Variants in DOCK7 observed in about 807,000 individuals in gnomAD.
DOCK7 encodes the protein dedicator of cytokinesis protein 7.
DOCK7 carries 138 observed loss-of-function variants against 271.0 expected under a neutral mutation model. That is an observed-to-expected ratio of 0.51 (90% CI 0.44 to 0.59). The LOEUF (loss-of-function observed/expected upper bound fraction) is 0.59. Among genes scored for constraint, DOCK7 ranks in the 20% least tolerant of loss-of-function variants. The pLI is 0.00. For synonymous variants in DOCK7, 823 were observed against 876.1 expected, an observed-to-expected ratio of 0.94 and a Z score of 1.07; for missense variants, 2,066 against 2,592.4, an observed-to-expected ratio of 0.80 and a Z score of 4.41.
chr1:62,626,853 C>CA (rs942917482), intron 11 of DOCK7, among the ~76,000 whole-genome samples: 1 of 151,872 alleles, frequency 6.6e-6, no homozygotes, highest in African/African-American at 2.4e-5. Context: ...AAAACCCTTC[C>CA]AAAAAAATGG....
At chr1:62,487,498 T>G in intron 42 of DOCK7, 86 bp from the exon 43 acceptor site, 1 of 1,201,844 alleles carries the variant, frequency 8.3e-7, no homozygotes, top group South Asian at 1.3e-5. Flanking sequence ...ATACCATAAA[T>G]TCTTCTCCAC....
chr1:62,687,757 TTC>T (rs1363334836), intron 1 of DOCK7: 1 of 152,198 alleles, frequency 6.6e-6, no homozygotes, highest in African/African-American at 2.4e-5. Flanking sequence ...CGCCGCGCGT[TTC>T]TCCTTTTGTT....
In DOCK7 at chr1:62,663,097, G is replaced by A. The variant is rs369563931; in HGVS notation, c.72C>T (p.Ser24=). 2.5e-5 allele frequency: 40 copies of A among 1,612,550 alleles called. No individual in the cohort carries two copies. The highest frequency in any genetic ancestry group is 2.7e-5 in the African/African-American group (2 of 74,672). Residue 24 remains serine, a synonymous_variant, in exon 2 of 50, where the codon TCC becomes TCT. Coordinates refer to ENST00000635253, the MANE Select transcript of DOCK7 (RefSeq NM_001367561.1). ...TVAAEVRKQI[S]GQYSGSPQLL... is the part of the protein sequence containing the mutation. The stretch of plus-strand genomic sequence containing the variant: ...GTTGGGGAGAACCACTATATTGTCC[G>A]GAGATCTGCTTCCTAACTTCGGCTG...
chr1:62,618,786 G>A lies in DOCK7; in HGVS notation c.1602C>T (p.Tyr534=), dbSNP rs756315485. Residue 534 remains tyrosine, a synonymous_variant, in exon 14 of 50, where the codon TAC becomes TAT. Coordinates refer to ENST00000635253, the MANE Select transcript of DOCK7 (RefSeq NM_001367561.1). ...LTPELLQVKL[Y]PDSRVRPTRE... is the part of the protein sequence containing the mutation. ...TGGTAGGTCTAACTCTACTGTCAGG[G>A]TAAAGCTTCACTTGAAGCAGCTCCG... is the stretch of plus-strand genomic sequence containing the variant. The A allele has an allele frequency of 1.2e-6, 2 of 1,613,590 alleles. No individual in the cohort carries two copies. The highest frequency in any genetic ancestry group is 2.2e-5 in the East Asian group (1 of 44,834).
At chr1:62,468,057 C>A (rs756395162) in intron 48 of DOCK7, among the ~76,000 whole-genome samples, 6 of 152,048 alleles carry the variant, frequency 3.9e-5, no homozygotes, top group African/African-American at 7.2e-5. Context: ...ATCCAGCACC[C>A]CTTGATGATT....
At chr1:62,605,313 A>G (rs1410826371) in intron 14 of DOCK7, 2 of 152,596 alleles carry the variant, frequency 1.3e-5, no homozygotes, top group African/African-American at 4.8e-5. Flanking sequence ...ATGTGTAAAA[A>G]TCTGTAATAC....
intron 48 of DOCK7, chr1:62,458,220 C>A: frequency 6.5e-6 from 1 of 153,730 alleles, no homozygotes; most frequent in Non-Finnish European, 1.4e-5. Flanking sequence ...GCACTCCAGC[C>A]TGGGCAACCG....
intron 1 of DOCK7, among the ~76,000 whole-genome samples, chr1:62,677,638 C>G (rs545261092): frequency 6.6e-6 from 1 of 151,482 alleles, no homozygotes; most frequent in East Asian, 1.9e-4. Flanking sequence ...TGATGCAACC[C>G]CAAAATAAAA....
chr1:62,489,986 T>TG (rs768423764), intron 41 of DOCK7, among the ~76,000 whole-genome samples: 14 of 151,708 alleles, frequency 9.2e-5, no homozygotes, highest in Non-Finnish European at 1.9e-4. Flanking sequence ...AGTTGGCCAG[T>TG]GGTTGCTATG....
In DOCK7 at chr1:62,490,710, C is replaced by T. The variant is rs529011575; in HGVS notation, c.5362-1645G>A. Among the ~76,000 whole-genome samples, 10 of 152,000 alleles carry T rather than the reference C, an allele frequency of 6.6e-5. No individual in the cohort carries two copies. The South Asian group carries it at 1.9e-3, about 28-fold the overall frequency. ...AATTTTAATAATATAGGTTACTGTC[C>T]CCCAATCTAAATGCACTATTGTGAA... On this transcript the variant is annotated intron_variant, in intron 41 of 49. Coordinates refer to ENST00000635253, the MANE Select transcript of DOCK7 (RefSeq NM_001367561.1).
chr1:62,646,407 T>C (rs545781040), intron 7 of DOCK7, among the ~76,000 whole-genome samples: 1 of 152,138 alleles, frequency 6.6e-6, no homozygotes, highest in South Asian at 2.1e-4. Context: ...TCCCCCAAAA[T>C]TCATATGTTA....
In DOCK7 at chr1:62,496,350, ATGT is replaced by A; in HGVS notation, c.4909_4911del (p.Thr1637del). On this transcript the variant is annotated inframe_deletion, in exon 38 of 50. Transcript: ENST00000635253. ...GCAGCATTTCTGACCTGATCAGGAA[ATGT>A]TGTTTCCCTCAATTCCAGATCTTCT... 1 of 1,613,234 alleles carries A rather than the reference ATGT, an allele frequency of 6.2e-7. No homozygotes were observed. The highest frequency in any genetic ancestry group is 8.5e-7 in the Non-Finnish European group (1 of 1,179,568).
intron 13 of DOCK7, among the ~76,000 whole-genome samples, chr1:62,619,632 C>T (rs943726795): frequency 3.3e-5 from 5 of 152,140 alleles, no homozygotes; most frequent in Admixed American, 6.6e-5. Context: ...ATTTTCACAT[C>T]GTGGTTGACT....
At chr1:62,564,515 C>CA (rs1204085750) in intron 18 of DOCK7, among the ~76,000 whole-genome samples, 1 of 152,110 alleles carries the variant, frequency 6.6e-6, no homozygotes, top group Non-Finnish European at 1.5e-5. Flanking sequence ...AGAACAAAGA[C>CA]ACAACGTACC....
intron 12 of DOCK7, among the ~76,000 whole-genome samples, 200 bp from the exon 13 acceptor site, chr1:62,620,193 C>G (rs1325166251): frequency 6.6e-6 from 1 of 151,760 alleles, no homozygotes; most frequent in African/African-American, 2.4e-5. Context: ...CATGGTGGCA[C>G]GTGTCTGTAG....
intron 1 of DOCK7, among the ~76,000 whole-genome samples, chr1:62,669,930 C>A (rs888421855): frequency 6.6e-6 from 1 of 152,238 alleles, no homozygotes; most frequent in African/African-American, 2.4e-5. Context: ...GCGGCACTTG[C>A]GGGCCAGCTG....
chr1:62,553,546 C>T (rs1646028999), intron 21 of DOCK7, among the ~76,000 whole-genome samples: 2 of 148,532 alleles, frequency 1.3e-5, no homozygotes, highest in African/African-American at 2.5e-5. Flanking sequence ...ATTTCTCTCT[C>T]TTTTTTTTGT....
intron 14 of DOCK7, among the ~76,000 whole-genome samples, chr1:62,614,349 A>C (rs1289995674): frequency 6.6e-6 from 1 of 152,014 alleles, no homozygotes; most frequent in African/African-American, 2.4e-5. Flanking sequence ...TTTAAAATAA[A>C]CTATCAGTTC....
chr1:62,556,478 A>C (rs1408539594), intron 20 of DOCK7, among the ~76,000 whole-genome samples: 1 of 151,798 alleles, frequency 6.6e-6, no homozygotes, highest in Non-Finnish European at 1.5e-5. Flanking sequence ...ATAGTGAATA[A>C]GCAACTTGAT....
Sources: gnomAD v4.1 joint callset for allele counts (sites outside exome capture counted in the v4.1 genomes callset) on GRCh38, gnomAD v4.1.1 for gene constraint, MANE v1.5 for transcripts, NCBI Gene and HGNC (gene_info 2026-07-23, HGNC 2026-07-21) for gene names.